Variants in ARHGAP10 observed in about 807,000 individuals in gnomAD.
ARHGAP10 encodes the protein Rho GTPase activating protein 10.
Under a neutral mutation model 108.6 loss-of-function variants are expected in ARHGAP10, and 87 were observed. The observed-to-expected ratio is 0.80, with a 90% CI of 0.67 to 0.96. The LOEUF (loss-of-function observed/expected upper bound fraction) is 0.96, where lower values mean the gene tolerates loss of function less well. Among genes scored for constraint, ARHGAP10 ranks in the 40% least tolerant of loss-of-function variants. The pLI, the probability that ARHGAP10 is intolerant of heterozygous loss-of-function variation, is 0.00. For synonymous variants in ARHGAP10, 347 were observed against 341.1 expected (o/e 1.02, Z -0.19); for missense variants, 939 against 954.5 (o/e 0.98, Z 0.21).
chr4:148,001,870 T>C (rs1419774181), intron 18 of ARHGAP10, among the ~76,000 whole-genome samples: 4 of 152,226 alleles, frequency 2.6e-5, no homozygotes, highest in Non-Finnish European at 5.9e-5. Context: ...CAGGGACAAT[T>C]TGACTTCCTC....
At chr4:147,977,951 A>G (rs937574374) in intron 18 of ARHGAP10, among the ~76,000 whole-genome samples, 7 of 152,344 alleles carry the variant, frequency 4.6e-5, no homozygotes. Context: ...TTAGGATAAC[A>G]GCTTTTAGCT....
chr4:148,050,806 C>G (rs1204586155), intron 20 of ARHGAP10, among the ~76,000 whole-genome samples: 1 of 152,174 alleles, frequency 6.6e-6, no homozygotes, highest in East Asian at 1.9e-4. Flanking sequence ...CTCTTCTTGT[C>G]TTTTCCCCCT....
chr4:147,951,220 T>G (rs1738585395), intron 15 of ARHGAP10, among the ~76,000 whole-genome samples: 2 of 152,088 alleles, frequency 1.3e-5, no homozygotes, highest in Non-Finnish European at 2.9e-5. Flanking sequence ...ATTTCTAAGG[T>G]TTCTCATTCC....
intron 21 of ARHGAP10, 91 bp from the exon 22 acceptor site, chr4:148,064,316 GGTGACATCA>G (rs1276113749): frequency 1.1e-6 from 1 of 905,704 alleles, no homozygotes; most frequent in Admixed American, 2.4e-5. Context: ...TTGCCCTACT[GGTGACATCA>G]GTGAGATTTG....
chr4:148,072,060 G>A lies in ARHGAP10; in HGVS notation c.2340G>A (p.Gln780=). The A allele has an allele frequency of 1.2e-6, 2 of 1,613,332 alleles. No individual in the cohort carries two copies. Among genetic ancestry groups the A allele is most frequent in the Non-Finnish European group, 1.7e-6 (2 of 1,179,742 alleles). Reference sequence around the variant, plus strand: ...ACGGCAAGAGGGGGCTGATTCCACAGAACTACGTCAAGCTGCTGTAGCTCC... The same window carrying A: ...ACGGCAAGAGGGGGCTGATTCCACAAAACTACGTCAAGCTGCTGTAGCTCC... ...TLNGKRGLIP[Q]NYVKLL Residue 780 remains glutamine (Q), a synonymous_variant, in exon 23 of 23, where the codon CAG becomes CAA. Coordinates refer to ENST00000336498, the MANE Select transcript of ARHGAP10 (RefSeq NM_024605.4).
chr4:147,823,733 G>A (rs569590793), intron 3 of ARHGAP10, among the ~76,000 whole-genome samples: 20 of 152,040 alleles, frequency 1.3e-4, no homozygotes, highest in African/African-American at 4.1e-4. Flanking sequence ...CTCCAGCCTG[G>A]GTGACAGAGC....
chr4:147,741,767 TACACAC>T (rs369661175), intron 1 of ARHGAP10, among the ~76,000 whole-genome samples: 37 of 134,684 alleles, frequency 2.7e-4, no homozygotes, highest in South Asian at 1.3e-3. Flanking sequence ...TCGTTCTCTT[TACACAC>T]ACACACACAC....
At chr4:147,874,508 T>A (rs566762520) in intron 7 of ARHGAP10, among the ~76,000 whole-genome samples, 1 of 152,344 alleles carries the variant, frequency 6.6e-6, no homozygotes, top group Admixed American at 6.5e-5. Flanking sequence ...TCAAGTGCAA[T>A]TGCCATGACC....
chr4:147,877,451 G>A (rs1309613628), intron 8 of ARHGAP10, among the ~76,000 whole-genome samples: 1 of 152,048 alleles, frequency 6.6e-6, no homozygotes, highest in African/African-American at 2.4e-5. Flanking sequence ...CTAGCTAAAA[G>A]CATTCCTTTT....
At chr4:148,066,393 C>G (rs1729878504) in intron 22 of ARHGAP10, among the ~76,000 whole-genome samples, 1 of 152,212 alleles carries the variant, frequency 6.6e-6, no homozygotes, top group African/African-American at 2.4e-5. Context: ...TCTGGGCACA[C>G]AGCCATGTGA....
intron 13 of ARHGAP10, among the ~76,000 whole-genome samples, chr4:147,934,215 G>T (rs1737833351): frequency 6.6e-6 from 1 of 152,226 alleles, no homozygotes; most frequent in Non-Finnish European, 1.5e-5. Context: ...CAAGGCCAAA[G>T]AGGGCTGTAG....
chr4:147,818,053 AG>A, intron 1 of ARHGAP10, among the ~76,000 whole-genome samples: 1 of 152,162 alleles, frequency 6.6e-6, no homozygotes, highest in Non-Finnish European at 1.5e-5. Context: ...CTGAGAAACC[AG>A]GGAGTTGATC....
intron 12 of ARHGAP10, among the ~76,000 whole-genome samples, chr4:147,911,007 C>T (rs1736707550): frequency 6.6e-6 from 1 of 151,978 alleles, no homozygotes; most frequent in Non-Finnish European, 1.5e-5. Context: ...TTCCTCCCTC[C>T]TCCTCTTCCT....
At chr4:148,071,415 A>G (rs191947503) in intron 22 of ARHGAP10, among the ~76,000 whole-genome samples, 7 of 152,252 alleles carry the variant, frequency 4.6e-5, no homozygotes, top group African/African-American at 1.7e-4. Context: ...CAGGAGTTTA[A>G]GAGCAGGCTG....
chr4:147,994,445 T>C lies in ARHGAP10; in HGVS notation c.1716+27606T>C, dbSNP rs186263992. Among the ~76,000 whole-genome samples the C allele has an allele frequency of 1.6e-3, 238 of 152,352 alleles. 1 individual carries two copies. The highest frequency in any genetic ancestry group is 5.1e-3 in the African/African-American group (214 of 41,592). ...TATTCTTAATTACCAGAAGTGCACA[T>C]GGGCTACAGATTTTAGCCTGTGCCA... On this transcript the variant is annotated intron_variant, in intron 18 of 22. Coordinates refer to ENST00000336498, the MANE Select transcript of ARHGAP10 (RefSeq NM_024605.4).
intron 3 of ARHGAP10, among the ~76,000 whole-genome samples, chr4:147,828,193 A>G (rs536095374): frequency 6.6e-6 from 1 of 152,360 alleles, no homozygotes; most frequent in East Asian, 1.9e-4. Context: ...GGATATTCAT[A>G]ATTAAGACTG....
chr4:148,043,514 C>T (rs570963422), intron 19 of ARHGAP10, among the ~76,000 whole-genome samples: 2 of 149,138 alleles, frequency 1.3e-5, no homozygotes, highest in South Asian at 4.3e-4. Context: ...GGTGGTGGCT[C>T]ATACTTGTAA....
At chr4:147,812,924 G>A (rs1370429236) in intron 1 of ARHGAP10, among the ~76,000 whole-genome samples, 2 of 152,158 alleles carry the variant, frequency 1.3e-5, no homozygotes, top group Non-Finnish European at 2.9e-5. Context: ...TTGGAGCAGC[G>A]ACTGGCACAA....
intron 7 of ARHGAP10, among the ~76,000 whole-genome samples, chr4:147,871,450 T>A (rs1449292206): frequency 2.6e-5 from 4 of 152,184 alleles, no homozygotes; most frequent in Non-Finnish European, 4.4e-5. Flanking sequence ...AAAAGTTTTT[T>A]AAAGATGTTT....
Sources: gnomAD v4.1 joint callset for allele counts (sites outside exome capture counted in the v4.1 genomes callset) on GRCh38, gnomAD v4.1.1 for gene constraint, MANE v1.5 for transcripts, NCBI Gene and HGNC (gene_info 2026-07-23, HGNC 2026-07-21) for gene names.